The following NRXN1 variants were observed in gnomAD, a reference collection of about 807,000 sequenced individuals.
The protein encoded by NRXN1 is neurexin-1.
A neutral mutation model predicts 150.9 loss-of-function variants in NRXN1; 39 were observed. The ratio of observed to expected loss-of-function variants is 0.26; its 90% CI spans 0.20 to 0.34. The LOEUF (loss-of-function observed/expected upper bound fraction) is 0.34. NRXN1 is among the 10% of genes least tolerant of loss of function. NRXN1 has a pLI of 1.00. For synonymous variants in NRXN1, 924 were observed against 757.0 expected, an observed-to-expected ratio of 1.22 and a Z score of -3.62; for missense variants, 1,815 against 1,949.9, an observed-to-expected ratio of 0.93 and a Z score of 1.30.
intron 10 of NRXN1, among the ~76,000 whole-genome samples, chr2:50,537,378 G>A (rs1022796181): frequency 1.3e-5 from 2 of 152,110 alleles, no homozygotes; most frequent in Non-Finnish European, 2.9e-5. Flanking sequence ...AGTGACTAAA[G>A]CATTTATCTG....
intron 5 of NRXN1, among the ~76,000 whole-genome samples, chr2:50,732,433 C>T (rs1367934909): frequency 6.6e-6 from 1 of 152,112 alleles, no homozygotes; most frequent in Non-Finnish European, 1.5e-5. Context: ...TTATCAACAT[C>T]ATGAGAATAA....
intron 18 of NRXN1, among the ~76,000 whole-genome samples, chr2:50,107,622 C>T (rs1443804925): frequency 1.3e-5 from 2 of 149,038 alleles, no homozygotes; most frequent in East Asian, 2.0e-4. Context: ...AGCTATGTAC[C>T]TGGTTATATT....
At chr2:50,763,287 G>C (rs747179439) in intron 5 of NRXN1, among the ~76,000 whole-genome samples, 1 of 151,880 alleles carries the variant, frequency 6.6e-6, no homozygotes, top group Non-Finnish European at 1.5e-5. Flanking sequence ...TTCAACATTT[G>C]TATCAGACAG....
At chr2:50,310,976 G>C (rs1473368064) in intron 17 of NRXN1, among the ~76,000 whole-genome samples, 1 of 152,058 alleles carries the variant, frequency 6.6e-6, no homozygotes. Flanking sequence ...CCTATAATTT[G>C]TATAACATAA....
chr2:50,413,629 C>T (rs546928716), intron 17 of NRXN1, among the ~76,000 whole-genome samples: 1 of 152,150 alleles, frequency 6.6e-6, no homozygotes, highest in South Asian at 2.1e-4. Context: ...TTGGAGGTTC[C>T]TCAAAAACTA....
At chr2:49,977,562 G>C (rs1004184420) in intron 21 of NRXN1, among the ~76,000 whole-genome samples, 2 of 152,170 alleles carry the variant, frequency 1.3e-5, no homozygotes, top group Non-Finnish European at 2.9e-5. Context: ...GATTTAGATG[G>C]AGAAGAGAAG....
intron 17 of NRXN1, among the ~76,000 whole-genome samples, chr2:50,301,105 T>G (rs1445409641): frequency 6.6e-6 from 1 of 152,198 alleles, no homozygotes; most frequent in East Asian, 1.9e-4. Flanking sequence ...CCATCTCACT[T>G]GTTCAGATCT....
At chr2:50,386,771 T>G (rs1360654042) in intron 17 of NRXN1, among the ~76,000 whole-genome samples, 1 of 152,168 alleles carries the variant, frequency 6.6e-6, no homozygotes, top group African/African-American at 2.4e-5. Flanking sequence ...GTGAGAATAC[T>G]GGGCTACGCA....
chr2:50,519,567 G>A (rs1229211644), intron 12 of NRXN1, among the ~76,000 whole-genome samples: 1 of 151,860 alleles, frequency 6.6e-6, no homozygotes, highest in Non-Finnish European at 1.5e-5. Context: ...AGGTTCCTTG[G>A]AACTGGTCAA....
chr2:50,527,957 T>C (rs1013554282), intron 12 of NRXN1, among the ~76,000 whole-genome samples: 6 of 152,316 alleles, frequency 3.9e-5, no homozygotes, highest in Non-Finnish European at 7.4e-5. Flanking sequence ...CTTAAGATAA[T>C]GCCACAACTC....
At chr2:50,210,334 C>T (rs1000552600) in intron 18 of NRXN1, among the ~76,000 whole-genome samples, 3 of 151,712 alleles carry the variant, frequency 2.0e-5, no homozygotes, top group Non-Finnish European at 4.4e-5. Context: ...TAGAATAATC[C>T]AATTTTAATC....
At chr2:50,103,450 T>A (rs1701237747) in intron 18 of NRXN1, among the ~76,000 whole-genome samples, 1 of 152,036 alleles carries the variant, frequency 6.6e-6, no homozygotes, top group Non-Finnish European at 1.5e-5. Flanking sequence ...TCCTGTTCAC[T>A]CAGAAGAGCA....
chr2:50,685,305 C>A (rs1201402349), intron 5 of NRXN1, among the ~76,000 whole-genome samples: 1 of 152,116 alleles, frequency 6.6e-6, no homozygotes, highest in African/African-American at 2.4e-5. Context: ...TTAAGCATAT[C>A]ACTAGGTGGA....
At chr2:50,048,709 C>G (rs1290191153) in intron 21 of NRXN1, among the ~76,000 whole-genome samples, 1 of 152,098 alleles carries the variant, frequency 6.6e-6, no homozygotes, top group Non-Finnish European at 1.5e-5. Flanking sequence ...AATAGGATGT[C>G]TCATATGTGA....
At chr2:50,155,377 T>C (rs1473572718) in intron 18 of NRXN1, among the ~76,000 whole-genome samples, 1 of 150,868 alleles carries the variant, frequency 6.6e-6, no homozygotes, top group Non-Finnish European at 1.5e-5. Context: ...CAGGCATACA[T>C]ATACACTTCC....
chr2:50,776,821 G>A (rs1703706839), intron 5 of NRXN1, among the ~76,000 whole-genome samples: 1 of 151,930 alleles, frequency 6.6e-6, no homozygotes, highest in Non-Finnish European at 1.5e-5. Context: ...TTTATTCTGA[G>A]ATTGAGCTCC....
chr2:50,697,006 C>G (rs1438435869), intron 5 of NRXN1, among the ~76,000 whole-genome samples: 1 of 152,102 alleles, frequency 6.6e-6, no homozygotes, highest in African/African-American at 2.4e-5. Context: ...ATATTACTTA[C>G]TTCAAGCACC....
chr2:50,983,042 C>T (rs2104904673), intron 2 of NRXN1, among the ~76,000 whole-genome samples: 1 of 152,054 alleles, frequency 6.6e-6, no homozygotes, highest in South Asian at 2.1e-4. Context: ...TCTATTAATT[C>T]ACCAAATTAC....
chr2:50,862,760 A>G (rs1379015737), intron 5 of NRXN1, among the ~76,000 whole-genome samples: 1 of 152,076 alleles, frequency 6.6e-6, no homozygotes, highest in Non-Finnish European at 1.5e-5. Flanking sequence ...AGTAGACATG[A>G]ATCACCTTTT....
Sources: gnomAD v4.1 joint callset for allele counts (sites outside exome capture counted in the v4.1 genomes callset) on GRCh38, gnomAD v4.1.1 for gene constraint, MANE v1.5 for transcripts, NCBI Gene and HGNC (gene_info 2026-07-23, HGNC 2026-07-21) for gene names.